BRD7: variants seen among roughly 807,000 people sequenced by gnomAD.
BRD7 encodes the protein bromodomain-containing protein 7.
A neutral mutation model predicts 82.1 loss-of-function variants in BRD7; 15 were observed. The ratio of observed to expected loss-of-function variants is 0.18; its 90% CI spans 0.12 to 0.28. The LOEUF (loss-of-function observed/expected upper bound fraction) is 0.28. Among genes scored for constraint, BRD7 ranks in the 10% least tolerant of loss-of-function variants. BRD7 has a pLI of 1.00. For missense variants in BRD7, 638 were observed against 779.9 expected, an observed-to-expected ratio of 0.82 and a Z score of 2.17; for synonymous variants, 232 against 266.9, an observed-to-expected ratio of 0.87 and a Z score of 1.27.
chr16:50,339,008 T>C (rs2037934232), intron 6 of BRD7, among the ~76,000 whole-genome samples: 1 of 152,258 alleles, frequency 6.6e-6, no homozygotes, highest in Non-Finnish European at 1.5e-5. Flanking sequence ...TCATCTCAGC[T>C]TACCCTTCAA....
At chr16:50,368,342 A>G (rs781008875) in intron 1 of BRD7, 44 bp from the exon 2 acceptor site, 1 of 1,593,764 alleles carries the variant, frequency 6.3e-7, no homozygotes, top group Non-Finnish European at 8.6e-7. Context: ...GTCGATTAAA[A>G]TCGGGGCTCT....
rs536025824 is a variant in BRD7 at position 50,358,521 on chromosome 16, G to T, written c.259-3599C>A. Among the ~76,000 whole-genome samples, 17 of 147,072 alleles carry T rather than the reference G, an allele frequency of 1.2e-4. No individual in the cohort carries two copies. The Middle Eastern group carries it at 0.014, about 124-fold the overall frequency. On this transcript the variant is annotated intron_variant, in intron 2 of 16. Transcript: ENST00000394688. ...AAAAAAAAAAAAAAAAGAACAAAAAGAATAAAGTAAAAAACCACTCTGTGA... is the reference window on the plus strand; with the variant it reads ...AAAAAAAAAAAAAAAAGAACAAAAATAATAAAGTAAAAAACCACTCTGTGA...
At chr16:50,349,662 T>A in intron 5 of BRD7, 1 of 468,238 alleles carries the variant, frequency 2.1e-6, no homozygotes, top group Non-Finnish European at 4.4e-6. Context: ...ACAATATGCA[T>A]ATCTCATATG....
intron 1 of BRD7, 159 bp downstream of exon 1, chr16:50,368,567 C>A (rs962555972): frequency 7.3e-5 from 57 of 782,872 alleles, no homozygotes; most frequent in Non-Finnish European, 9.5e-5. Flanking sequence ...CGCGGCCGCA[C>A]GGGGGGCAGC....
chr16:50,368,822 G>A lies in BRD7; in HGVS notation c.-48C>T, dbSNP rs1467616974. On this transcript the variant is annotated 5_prime_UTR_variant, in exon 1 of 17. Coordinates refer to ENST00000394688, the MANE Select transcript of BRD7 (RefSeq NM_013263.5). ...GCCCCCCGCGCCAGGCCCAGGCCGT[G>A]CGGCGCCGCTTCCGGTCCGGGCCAG... The A allele has an allele frequency of 1.4e-6, 2 of 1,417,250 alleles. No individual in the cohort carries two copies. The highest frequency in any genetic ancestry group is 1.9e-6 in the Non-Finnish European group (2 of 1,072,326). 87.8% of individuals were successfully genotyped at this position (1,417,250 alleles called of 1,614,324 possible).
chr16:50,326,486 A>C, intron 9 of BRD7, 95 bp from the exon 10 acceptor site: 2 of 748,362 alleles, frequency 2.7e-6, no homozygotes, highest in Non-Finnish European at 4.2e-6. Flanking sequence ...ACTGCATGTC[A>C]TCTGCATGAC....
chr16:50,348,848 C>G (rs1029297544), intron 5 of BRD7, among the ~76,000 whole-genome samples: 11 of 152,132 alleles, frequency 7.2e-5, no homozygotes, highest in African/African-American at 2.7e-4. Flanking sequence ...GACAGTGTGG[C>G]GATTCCTCAA....
chr16:50,351,465 T>G (rs971064178), intron 4 of BRD7, among the ~76,000 whole-genome samples: 6 of 152,250 alleles, frequency 3.9e-5, no homozygotes, highest in African/African-American at 1.4e-4. Context: ...CTGGGTGGCC[T>G]CCTGCAGCTA....
intron 1 of BRD7, 22 bp downstream of exon 1, chr16:50,368,704 C>A: frequency 6.4e-7 from 1 of 1,552,224 alleles, no homozygotes; most frequent in South Asian, 1.2e-5. Context: ...GCCCGCCGCC[C>A]GCACCCCGGC....
At chr16:50,343,690 A>G (rs1224172108) in intron 5 of BRD7, among the ~76,000 whole-genome samples, 1 of 152,130 alleles carries the variant, frequency 6.6e-6, no homozygotes, top group Non-Finnish European at 1.5e-5. Context: ...ATGCCCACGG[A>G]GCCTCACTCA....
intron 2 of BRD7, among the ~76,000 whole-genome samples, chr16:50,359,472 A>G (rs1385906144): frequency 1.3e-5 from 2 of 152,238 alleles, no homozygotes; most frequent in Non-Finnish European, 2.9e-5. Context: ...AATAAATAAA[A>G]GAGGCTTTAC....
chr16:50,361,647 G>C (rs2038940371), intron 2 of BRD7: 1 of 152,146 alleles, frequency 6.6e-6, no homozygotes, highest in African/African-American at 2.4e-5. Flanking sequence ...CTAACACTCA[G>C]CTTTTATCAT....
intron 3 of BRD7, 149 bp from the exon 4 acceptor site, chr16:50,354,631 TC>T: frequency 8.1e-7 from 1 of 1,228,266 alleles, no homozygotes; most frequent in Non-Finnish European, 1.1e-6. Context: ...AGAGTATTAA[TC>T]CAAAATTGAA....
intron 2 of BRD7, among the ~76,000 whole-genome samples, chr16:50,366,837 G>C (rs2039166871): frequency 6.6e-6 from 1 of 152,180 alleles, no homozygotes. Flanking sequence ...GGTTACCTCT[G>C]AAGAGGGAGT....
At chr16:50,331,615 T>C (rs546270661) in intron 8 of BRD7, among the ~76,000 whole-genome samples, 3 of 152,204 alleles carry the variant, frequency 2.0e-5, no homozygotes, top group Non-Finnish European at 2.9e-5. Context: ...GGCAGGAGAA[T>C]TGCTTGAGCT....
rs1183683744 is a variant in BRD7 at position 50,317,924 on chromosome 16, G to C, written c.*1287C>G. 1 of 151,532 alleles carries C rather than the reference G, an allele frequency of 6.6e-6. No homozygotes were observed. Among genetic ancestry groups the C allele is most frequent in the African/African-American group, 2.4e-5 (1 of 41,216 alleles). 9.4% of individuals were successfully genotyped at this position (151,532 alleles called of 1,614,324 possible). A position where few individuals can be genotyped will look rare whatever the true frequency, so the allele number is the denominator to read the frequency against. On this transcript the variant is annotated 3_prime_UTR_variant, in exon 17 of 17. Transcript: ENST00000394688. Reference sequence around the variant, plus strand: ...AACAAACAAACAAACAAACAGAAGAGAAGATCATTAACCACTGTATACTTT... The same window carrying C: ...AACAAACAAACAAACAAACAGAAGACAAGATCATTAACCACTGTATACTTT...
At chr16:50,327,703 G>A (rs1320992665) in intron 9 of BRD7, among the ~76,000 whole-genome samples, 1 of 152,076 alleles carries the variant, frequency 6.6e-6, no homozygotes, top group Admixed American at 6.5e-5. Flanking sequence ...CACTAGGTTG[G>A]TATCTTCTAT....
chr16:50,364,069 GAAAAAA>G (rs752041952), intron 2 of BRD7, among the ~76,000 whole-genome samples: 1 of 125,882 alleles, frequency 7.9e-6, no homozygotes, highest in African/African-American at 2.9e-5. Context: ...TCTCAAAAAG[GAAAAAA>G]AAAAAAAAGA....
chr16:50,325,645 T>TC (rs1405296005), intron 11 of BRD7, 103 bp downstream of exon 11: 1 of 899,488 alleles, frequency 1.1e-6, no homozygotes, highest in African/African-American at 1.8e-5. Flanking sequence ...ACTGAGCACA[T>TC]TTTTTTTTAC....
Sources: gnomAD v4.1 joint callset for allele counts (sites outside exome capture counted in the v4.1 genomes callset) on GRCh38, gnomAD v4.1.1 for gene constraint, MANE v1.5 for transcripts, NCBI Gene and HGNC (gene_info 2026-07-23, HGNC 2026-07-21) for gene names.